The following FGF9 variants were observed in gnomAD, a reference collection of about 807,000 sequenced individuals.
FGF9 encodes the protein fibroblast growth factor 9, also known as fibroblast growth factor 9 (glia-activating factor).
In FGF9, 3 loss-of-function variants were observed where a neutral mutation model predicts 19.9. That is an observed-to-expected ratio of 0.15 (90% CI 0.07 to 0.39). FGF9 has a LOEUF of 0.39. Among genes scored for constraint, FGF9 ranks in the 10% least tolerant of loss-of-function variants. FGF9 has a pLI of 1.00. For missense variants in FGF9, 175 were observed against 256.8 expected (o/e 0.68, Z 2.18); for synonymous variants, 107 against 106.9 (o/e 1.00, Z -0.01).
intron 2 of FGF9, among the ~76,000 whole-genome samples, chr13:21,697,133 C>T (rs745820559): frequency 1.3e-5 from 2 of 152,164 alleles, no homozygotes; most frequent in Non-Finnish European, 2.9e-5. Context: ...AAAATGCTGG[C>T]TGTAGATTAT....
chr13:21,698,029 C>T (rs1341307646), intron 2 of FGF9, among the ~76,000 whole-genome samples: 3 of 152,226 alleles, frequency 2.0e-5, no homozygotes, highest in Non-Finnish European at 2.9e-5. Flanking sequence ...AGGATGGTCT[C>T]GATCTCCTGA....
chr13:21,697,808 C>CTTT (rs1270795107), intron 2 of FGF9, among the ~76,000 whole-genome samples: 4 of 138,134 alleles, frequency 2.9e-5, no homozygotes, highest in African/African-American at 5.4e-5. Flanking sequence ...ACATAGGACT[C>CTTT]TTTTTTTTTT....
chr13:21,686,806 A>G (rs1872169415), intron 2 of FGF9, among the ~76,000 whole-genome samples: 1 of 152,220 alleles, frequency 6.6e-6, no homozygotes, highest in South Asian at 2.1e-4. Context: ...TGAGCATCGA[A>G]TAGTGATAGC....
intron 1 of FGF9, among the ~76,000 whole-genome samples, chr13:21,675,420 C>A (rs1250990224): frequency 6.6e-6 from 1 of 152,056 alleles, no homozygotes; most frequent in African/African-American, 2.4e-5. Flanking sequence ...CCTTCCCAGC[C>A]CCGCCCGGAA....
At position 21,701,392 on chromosome 13, in the gene FGF9, A is replaced by G. The variant is rs755164853; in HGVS notation, c.584A>G (p.Asp195Gly). The G allele has an allele frequency of 3.7e-6, 6 of 1,613,996 alleles. 1 individual carries two copies. The South Asian group carries it at 5.5e-5, about 15-fold the overall frequency. The change falls in exon 3 of 3, where the codon GAC (aspartate) becomes GGC (glycine). Residue 195 changes from aspartate to glycine, a missense_variant. Around this residue, in one of 3 missense-constraint regions of FGF9, gnomAD observed 101 missense variants for 160.7 expected, o/e 0.63. Transcript: ENST00000382353. ...TTTTTACCTAGACCAGTGGACCCCG[A>G]CAAAGTACCTGAACTGTATAAGGAT... The part of the protein sequence containing the change: ...THFLPRPVDP[D>G]KVPELYKDIL...
At chr13:21,679,715 G>A (rs781347721) in intron 1 of FGF9, among the ~76,000 whole-genome samples, 4 of 147,434 alleles carry the variant, frequency 2.7e-5, no homozygotes, top group African/African-American at 5.0e-5. Context: ...GAGGCGGGTC[G>A]ATCACGAGGT....
At chr13:21,673,741 C>T (rs1432866754) in intron 1 of FGF9, among the ~76,000 whole-genome samples, 1 of 151,340 alleles carries the variant, frequency 6.6e-6, no homozygotes, top group Non-Finnish European at 1.5e-5. Context: ...GGCGGCCACC[C>T]GCAGGGTGTC....
rs61706549 is a variant in FGF9 at position 21,701,709 on chromosome 13, A to ATGTGTGTGTGTGTG, written c.*292_*305dup. Reference sequence around the variant, plus strand: ...GAGACTGAGCGCTAGGAGTGTGTGTATGTGTGTGTGTGTGTGTGTGTGTGT... The same window carrying ATGTGTGTGTGTGTG: ...GAGACTGAGCGCTAGGAGTGTGTGTATGTGTGTGTGTGTGTGTGTGTGTGTGTGTGTGTGTGTGT... On this transcript the variant is annotated 3_prime_UTR_variant, in exon 3 of 3. Coordinates refer to ENST00000382353, the MANE Select transcript of FGF9 (RefSeq NM_002010.3). 52 of 357,810 alleles carry ATGTGTGTGTGTGTG rather than the reference A, an allele frequency of 1.5e-4. No individual in the cohort carries two copies. Among genetic ancestry groups the ATGTGTGTGTGTGTG allele is most frequent in the African/African-American group, 9.8e-4 (44 of 45,108 alleles). 22.2% of individuals were successfully genotyped at this position (357,810 alleles called of 1,614,324 possible).
rs1236447471 is a variant in FGF9, at chr13:21,672,521, T to C, written c.277+332T>C. ...AGGAAGTTTCTTTTGAATGGACTGA[T>C]TGCACGAGTTTAAAGCTTTAATCAT... On this transcript the variant is annotated intron_variant, in intron 1 of 2. Transcript: ENST00000382353. The surrounding 1 kb of genome is among the most constrained non-coding windows in gnomAD (Gnocchi z 4.2). 6.6e-6 allele frequency among the ~76,000 whole-genome samples: 1 copy of C among 152,268 alleles called. No homozygotes were observed. Among genetic ancestry groups the C allele is most frequent in the Non-Finnish European group, 1.5e-5 (1 of 68,050 alleles).
chr13:21,674,596 T>G (rs937979132), intron 1 of FGF9, among the ~76,000 whole-genome samples: 1 of 151,792 alleles, frequency 6.6e-6, no homozygotes, highest in Non-Finnish European at 1.5e-5. Flanking sequence ...GCCGAGCCTG[T>G]CTTTGAGAGA....
At chr13:21,687,570 C>T (rs1872190791) in intron 2 of FGF9, among the ~76,000 whole-genome samples, 2 of 152,186 alleles carry the variant, frequency 1.3e-5, no homozygotes, top group Non-Finnish European at 2.9e-5. Flanking sequence ...ACTGTAAATC[C>T]AGCCTTGGCG....
chr13:21,683,130 C>G (rs1471972942), intron 2 of FGF9, among the ~76,000 whole-genome samples: 1 of 152,166 alleles, frequency 6.6e-6, no homozygotes, highest in African/African-American at 2.4e-5. Context: ...TGAGAGCTGA[C>G]CAGTCTTTCA....
In FGF9 at chr13:21,691,342, G is replaced by A. The variant is rs1052818353; in HGVS notation, c.382-9848G>A. 9.2e-5 allele frequency among the ~76,000 whole-genome samples: 14 copies of A among 152,332 alleles called. No homozygotes were observed. The highest frequency in any genetic ancestry group is 3.4e-4 in the African/African-American group (14 of 41,586). ...TGCAGGAGGGAGCTTAATTCTAGGAGTAGGAGAGAATGTCAGGATTATTCA... is the reference window on the plus strand; with the variant it reads ...TGCAGGAGGGAGCTTAATTCTAGGAATAGGAGAGAATGTCAGGATTATTCA... On this transcript the variant is annotated intron_variant, in intron 2 of 2. Coordinates refer to ENST00000382353, the MANE Select transcript of FGF9 (RefSeq NM_002010.3). This position sits in a 1 kb window ranked among gnomAD's most constrained non-coding sequence, Gnocchi z 4.2.
chr13:21,700,766 A>C (rs1184831560), intron 2 of FGF9, among the ~76,000 whole-genome samples: 5 of 152,226 alleles, frequency 3.3e-5, no homozygotes, highest in Non-Finnish European at 7.3e-5. Context: ...TGACTCATTC[A>C]AATGATTGGT....
In FGF9 at chr13:21,688,872, G is replaced by T. The variant is rs181910785; in HGVS notation, c.381+7727G>T. Among the ~76,000 whole-genome samples the T allele has an allele frequency of 6.8e-4, 103 of 150,994 alleles. No homozygotes were observed. The East Asian group carries it at 0.017, about 26-fold the overall frequency. ...GTCTTTTAAAATAATGTATCTATTT[G>T]ATTTTAGTTACAGTGTTGAGCATGG... is the stretch of plus-strand genomic sequence containing the variant. On this transcript the variant is annotated intron_variant, in intron 2 of 2. Coordinates refer to ENST00000382353, the MANE Select transcript of FGF9 (RefSeq NM_002010.3).
In FGF9 at chr13:21,671,188, C is replaced by G. The variant is rs965178830; in HGVS notation, c.-725C>G. On this transcript the variant is annotated 5_prime_UTR_variant, in exon 1 of 3. Coordinates refer to ENST00000382353, the MANE Select transcript of FGF9 (RefSeq NM_002010.3). The stretch of plus-strand genomic sequence containing the variant: ...GCAGCCTGGGCGGCACGCGAGCTCC[C>G]GGACGCGGCTCTCCTCGCTCGCCGC... 2.0e-5 allele frequency among the ~76,000 whole-genome samples: 3 copies of G among 152,236 alleles called. No homozygotes were observed. The highest frequency in any genetic ancestry group is 7.2e-5 in the African/African-American group (3 of 41,464).
chr13:21,673,246 C>A (rs1871812879), intron 1 of FGF9, among the ~76,000 whole-genome samples: 2 of 152,092 alleles, frequency 1.3e-5, no homozygotes, highest in Admixed American at 1.3e-4. Flanking sequence ...TAAACTAGGT[C>A]GTAAAAAACA....
intron 2 of FGF9, among the ~76,000 whole-genome samples, chr13:21,687,040 T>G (rs979593067): frequency 2.6e-5 from 4 of 152,222 alleles, no homozygotes; most frequent in African/African-American, 9.6e-5. Context: ...TACTAGTAGG[T>G]TTGGTTATGT....
At chr13:21,687,891 C>T (rs1318950960) in intron 2 of FGF9, among the ~76,000 whole-genome samples, 1 of 152,188 alleles carries the variant, frequency 6.6e-6, no homozygotes, top group Non-Finnish European at 1.5e-5. Flanking sequence ...TAAAACAATT[C>T]TAGTACTTTT....
Sources: gnomAD v4.1 joint callset for allele counts (sites outside exome capture counted in the v4.1 genomes callset) on GRCh38, gnomAD v4.1.1 for gene constraint, gnomAD v4.1.1 regional missense constraint, Gnocchi (gnomAD v3.1) non-coding constraint, MANE v1.5 for transcripts, NCBI Gene and HGNC (gene_info 2026-07-23, HGNC 2026-07-21) for gene names.